The following LRRN4 variants were observed in gnomAD, a reference collection of about 807,000 sequenced individuals.
LRRN4 encodes leucine rich repeat neuronal 4, also known as leucine-rich repeat neuronal protein 4.
Under a neutral mutation model 22.3 loss-of-function variants are expected in LRRN4, and 26 were observed. The observed-to-expected ratio is 1.16, with a 90% CI of 0.85 to 1.62. The LOEUF is 1.62. LRRN4 is among the 40% of genes most tolerant of loss of function. The probability of loss-of-function intolerance (pLI) is 0.00; values close to 1 mark genes in which losing one functional copy is unlikely to be tolerated. For missense variants in LRRN4, 1,070 were observed against 1,008.5 expected (o/e 1.06, Z -0.83); for synonymous variants, 496 against 486.2 (o/e 1.02, Z -0.26).
rs1329052217 is a variant in LRRN4 at position 6,047,447 on chromosome 20, CACACACACACACACACACACAG to C, written c.861-2789_861-2768del. On this transcript the variant is annotated intron_variant, in intron 3 of 4. Coordinates refer to ENST00000378858, the MANE Select transcript of LRRN4 (RefSeq NM_152611.5). ...ACATACACACACACACACACACACA[CACACACACACACACACACACAG>C]AGACACACACCACTCTTCTGGTAAG... 2.0e-5 allele frequency among the ~76,000 whole-genome samples: 3 copies of C among 149,776 alleles called. No homozygotes were observed. In the East Asian group the frequency reaches 5.9e-4, roughly 30 times the overall value.
Position 6,041,831 on chromosome 20 carries a change from A to G in LRRN4, c.1414T>C (p.Ser472Pro), listed in dbSNP as rs1980964694. ...CTGGCCAGTGGGGTGGAGGCAGCTG[A>G]GATATCAGGCTCAAGGACAAGCTCG... ...APELVLEPDI[S>P]AASTPLASKL... is the part of the protein sequence containing the mutation. The change falls in exon 5 of 5, where the codon TCA becomes CCA. Residue 472 changes from serine (S) to proline (P), a missense_variant. Coordinates refer to ENST00000378858, the MANE Select transcript of LRRN4 (RefSeq NM_152611.5). This position sits in a 1 kb window ranked among gnomAD's most constrained non-coding sequence, Gnocchi z 9.4. 6.2e-7 allele frequency: 1 copy of G among 1,613,948 alleles called. No individual in the cohort carries two copies. Among genetic ancestry groups the G allele is most frequent in the Non-Finnish European group, 8.5e-7 (1 of 1,179,970 alleles).
At chr20:6,042,721 C>A (rs950440308) in intron 4 of LRRN4, among the ~76,000 whole-genome samples, 1 of 151,992 alleles carries the variant, frequency 6.6e-6, no homozygotes, top group African/African-American at 2.4e-5. Context: ...GAGGTCAAGA[C>A]CATCCTGGCT....
rs545416162 is a variant in LRRN4, at chr20:6,045,295, C to T, written c.861-615G>A. ...CTGTACTAAAAATACAAAAATTAGC[C>T]GGGCGGTAGTGGTGCACCTGTAATC... is the stretch of plus-strand genomic sequence containing the variant. On this transcript the variant is annotated intron_variant, in intron 3 of 4. Coordinates refer to ENST00000378858, the MANE Select transcript of LRRN4 (RefSeq NM_152611.5). Among the ~76,000 whole-genome samples, 7 of 147,946 alleles carry T rather than the reference C, an allele frequency of 4.7e-5. 1 individual carries two copies. Among genetic ancestry groups the T allele is most frequent in the South Asian group, 4.3e-4 (2 of 4,662 alleles).
At position 6,041,823 on chromosome 20, in the gene LRRN4, G is replaced by A. The variant is rs141430733; in HGVS notation, c.1422C>T (p.Ala474=). The A allele has an allele frequency of 2.7e-3, 4,356 of 1,614,176 alleles. 12 individuals are homozygous for A. Among genetic ancestry groups the A allele is most frequent in the Non-Finnish European group, 2.9e-3 (3,407 of 1,180,012 alleles). ...GGAGCTTGCTGGCCAGTGGGGTGGA[G>A]GCAGCTGAGATATCAGGCTCAAGGA... The part of the protein sequence containing the change: ...ELVLEPDISA[A]STPLASKLLG... The change falls in exon 5 of 5, where the codon GCC becomes GCT. Residue 474 remains alanine (A), a synonymous_variant. Coordinates refer to ENST00000378858, the MANE Select transcript of LRRN4 (RefSeq NM_152611.5). The surrounding 1 kb of genome is among the most constrained non-coding windows in gnomAD (Gnocchi z 9.4).
Position 6,052,616 on chromosome 20 carries a change from C to T in LRRN4, c.184G>A (p.Ala62Thr), listed in dbSNP as rs1981290011. The change falls in exon 2 of 5, where the codon GCG becomes ACG. Residue 62 changes from alanine to threonine, a missense_variant. Coordinates refer to ENST00000378858, the MANE Select transcript of LRRN4 (RefSeq NM_152611.5). ...PAADATALTL[A>T]NRNLERLPGC... Reference sequence around the variant, plus strand: ...GGCAGGCGCTCCAGGTTGCGGTTCGCCAGGGTCAAGGCCGTCGCATCCGCG... The same window carrying T: ...GGCAGGCGCTCCAGGTTGCGGTTCGTCAGGGTCAAGGCCGTCGCATCCGCG... The T allele has an allele frequency of 6.3e-7, 1 of 1,588,668 alleles. No homozygotes were observed. The highest frequency in any genetic ancestry group is 2.3e-5 in the East Asian group (1 of 44,316).
chr20:6,052,174 A>G lies in LRRN4; in HGVS notation c.626T>C (p.Leu209Pro). 1 of 1,599,412 alleles carries G rather than the reference A, an allele frequency of 6.3e-7. No individual in the cohort carries two copies. The highest frequency in any genetic ancestry group is 1.1e-5 in the South Asian group (1 of 88,560). The change falls in exon 2 of 5, where the codon CTG becomes CCG. Residue 209 changes from leucine (L) to proline (P), a missense_variant. By Grantham distance (98) the Leu-to-Pro change is moderately conservative (BLOSUM62 -3). Coordinates refer to ENST00000378858, the MANE Select transcript of LRRN4 (RefSeq NM_152611.5). ...DGAPLVTLEVLDLSGTFLERV... is the reference protein window; with the variant it reads ...DGAPLVTLEVPDLSGTFLERV... ...TTCAAGGAACGTGCCGCTGAGATCC[A>G]GGACTTCGAGCGTGACCAGGGGCGC...
chr20:6,046,904 T>G (rs868066507), intron 3 of LRRN4, among the ~76,000 whole-genome samples: 8 of 151,306 alleles, frequency 5.3e-5, no homozygotes, highest in South Asian at 2.1e-4. Flanking sequence ...ATCAGTATTT[T>G]TGTGTGTGTG....
At chr20:6,052,936 G>A (rs539331820) in intron 1 of LRRN4, 132 bp from the exon 2 acceptor site, 2 of 988,334 alleles carry the variant, frequency 2.0e-6, no homozygotes, top group African/African-American at 3.3e-5. Context: ...GCAGGGCGGG[G>A]AGACGTTCCC....
intron 3 of LRRN4, among the ~76,000 whole-genome samples, chr20:6,045,848 C>T (rs1363184866): frequency 6.7e-6 from 1 of 148,952 alleles, no homozygotes; most frequent in African/African-American, 2.4e-5. Context: ...AGGAGGCTAG[C>T]CTGGGCTTAT....
In LRRN4 at chr20:6,040,880, G is replaced by C; in HGVS notation, c.*142C>G. ...TCCTTGGACCCAGACACTCAGTGTG[G>C]CAAGTTCCATGTGTGCTCAAGGCAT... On this transcript the variant is annotated 3_prime_UTR_variant, in exon 5 of 5. Transcript: ENST00000378858. 8.9e-7 allele frequency: 1 copy of C among 1,123,878 alleles called. No individual in the cohort carries two copies. The highest frequency in any genetic ancestry group is 2.5e-5 in the East Asian group (1 of 39,590). The allele number at this position is 1,123,878 out of a possible 1,614,324, so 69.6% of individuals were successfully genotyped here.
At position 6,042,649 on chromosome 20, in the gene LRRN4, G is replaced by A. The variant is rs796661982; in HGVS notation, c.999-403C>T. Among the ~76,000 whole-genome samples the A allele has an allele frequency of 2.6e-5, 4 of 152,278 alleles. No homozygotes were observed. The South Asian group carries it at 8.3e-4, about 32-fold the overall frequency. ...ATAAAAATCATACTCGGGCCGGTGC[G>A]ATGGCTCAAGCCTGTAATCTCAGCA... On this transcript the variant is annotated intron_variant, in intron 4 of 4. Transcript: ENST00000378858.
chr20:6,053,415 G>A (rs1981315262), intron 1 of LRRN4, among the ~76,000 whole-genome samples: 1 of 152,130 alleles, frequency 6.6e-6, no homozygotes, highest in African/African-American at 2.4e-5. Flanking sequence ...TGTGAACCCT[G>A]GAGTCAAACA....
chr20:6,051,091 C>T, intron 2 of LRRN4, 108 bp from the exon 3 acceptor site: 3 of 914,546 alleles, frequency 3.3e-6, no homozygotes, highest in Non-Finnish European at 5.2e-6. Flanking sequence ...TGAAGGTCAT[C>T]GCTGAGCACG....
At position 6,041,328 on chromosome 20, in the gene LRRN4, G is replaced by T. The variant is rs751216362; in HGVS notation, c.1917C>A (p.Tyr639Ter). The T allele has an allele frequency of 6.3e-7, 1 of 1,598,100 alleles. No homozygotes were observed. The highest frequency in any genetic ancestry group is 8.5e-7 in the Non-Finnish European group (1 of 1,176,152). ...IYATARQHPL[Y>*]GLSPGTTYRV... ...GGTAGGTGGTGCCCGGCGACAGCCC[G>T]TACAGAGGGTGCTGCCGGGCCGTGG... Residue 639 changes from tyrosine to a stop codon, truncating the protein, a stop_gained, in exon 5 of 5, where the codon TAC becomes TAA. Coordinates refer to ENST00000378858, the MANE Select transcript of LRRN4 (RefSeq NM_152611.5). LOFTEE classifies it low-confidence loss of function (END_TRUNC). The surrounding 1 kb of genome is among the most constrained non-coding windows in gnomAD (Gnocchi z 9.4).
At chr20:6,051,995 G>A in intron 2 of LRRN4, 150 bp downstream of exon 2, 1 of 990,452 alleles carries the variant, frequency 1.0e-6, no homozygotes, top group South Asian at 1.8e-5. Context: ...CCGCTTGCTC[G>A]AAAAATGTAG....
intron 4 of LRRN4, among the ~76,000 whole-genome samples, chr20:6,043,136 C>T (rs1981012999): frequency 6.6e-6 from 1 of 152,158 alleles, no homozygotes; most frequent in South Asian, 2.1e-4. Context: ...AGACCAGGTA[C>T]AGTGGCTCAT....
Position 6,042,164 on chromosome 20 carries a change from C to T in LRRN4, c.1081G>A (p.Val361Met). The change falls in exon 5 of 5, where the codon GTG becomes ATG. Residue 361 changes from valine (V) to methionine (M), a missense_variant. Coordinates refer to ENST00000378858, the MANE Select transcript of LRRN4 (RefSeq NM_152611.5). ...ASLSLSQLPG[V>M]CQSDQSTTLG... is the part of the protein sequence containing the mutation. ...GTGGTGCTTTGGTCGGACTGGCACA[C>T]TCCGGGCAGCTGGGAGAGTGACAGG... is the stretch of plus-strand genomic sequence containing the variant. 1.9e-6 allele frequency: 3 copies of T among 1,614,142 alleles called. No individual in the cohort carries two copies. Among genetic ancestry groups the T allele is most frequent in the Non-Finnish European group, 2.5e-6 (3 of 1,180,018 alleles).
chr20:6,041,713 T>A lies in LRRN4; in HGVS notation c.1532A>T (p.Asn511Ile). ...AATCTCGCCCTCGGAAAGACTCGGG[T>A]TGGGGGCTTGGGGTGTGGCGTGTGT... ...QRTHATPQAP[N>I]PSLSEGEIPV... is the part of the protein sequence containing the mutation. Residue 511 changes from asparagine (N) to isoleucine (I), a missense_variant, in exon 5 of 5, where the codon AAC (asparagine) becomes ATC (isoleucine). By Grantham distance (149) the Asn-to-Ile change is moderately radical. Transcript: ENST00000378858. The surrounding 1 kb of genome is among the most constrained non-coding windows in gnomAD (Gnocchi z 9.4). The A allele has an allele frequency of 6.2e-7, 1 of 1,613,144 alleles. No homozygotes were observed.
Position 6,051,021 on chromosome 20 carries a change from C to T in LRRN4, c.656-38G>A, listed in dbSNP as rs79597363. ...AGGGAAACTGCCAACTACTCCAGAA[C>T]GCACAAACCCAGGAGGCCAGCACGG... is the stretch of plus-strand genomic sequence containing the variant. On this transcript the variant is annotated intron_variant, in intron 2 of 4. Coordinates refer to ENST00000378858, the MANE Select transcript of LRRN4 (RefSeq NM_152611.5). The T allele has an allele frequency of 5.7e-3, 9,074 of 1,590,564 alleles. 431 individuals are homozygous for T. The African/African-American group carries it at 0.1, about 18-fold the overall frequency.
Sources: gnomAD v4.1 joint callset for allele counts (sites outside exome capture counted in the v4.1 genomes callset) on GRCh38, gnomAD v4.1.1 for gene constraint, Gnocchi (gnomAD v3.1) non-coding constraint, MANE v1.5 for transcripts, NCBI Gene and HGNC (gene_info 2026-07-23, HGNC 2026-07-21) for gene names.